Variants in LGR4 observed in about 807,000 individuals in gnomAD.
The protein encoded by LGR4 is leucine rich repeat containing G protein-coupled receptor 4.
LGR4 carries 44 observed loss-of-function variants against 84.8 expected under a neutral mutation model. That is an observed-to-expected ratio of 0.52 (90% CI 0.41 to 0.67). LGR4 has a LOEUF of 0.67. Ranked by LOEUF, LGR4 falls within the 30% of genes least tolerant of loss-of-function variation. The pLI is 0.00. For synonymous variants in LGR4, 429 were observed against 434.3 expected (o/e 0.99, Z 0.15); for missense variants, 1,032 against 1,131.4 (o/e 0.91, Z 1.26).
chr11:27,449,349 G>A (rs921445964), intron 1 of LGR4, among the ~76,000 whole-genome samples: 2 of 152,158 alleles, frequency 1.3e-5, no homozygotes, highest in African/African-American at 4.8e-5. Flanking sequence ...TCAGGAGGCC[G>A]AGGTAAGATG....
chr11:27,382,981 C>T (rs1327908443), intron 6 of LGR4, among the ~76,000 whole-genome samples: 1 of 152,132 alleles, frequency 6.6e-6, no homozygotes, highest in Non-Finnish European at 1.5e-5. Flanking sequence ...CATGCCACTG[C>T]ACTCCAGCCT....
At chr11:27,461,368 G>A (rs578165243) in intron 1 of LGR4, among the ~76,000 whole-genome samples, 1 of 151,466 alleles carries the variant, frequency 6.6e-6, no homozygotes, top group African/African-American at 2.4e-5. Flanking sequence ...TAACACATAG[G>A]TACCCCATAA....
intron 1 of LGR4, among the ~76,000 whole-genome samples, chr11:27,441,087 AC>A (rs1864297538): frequency 6.6e-6 from 1 of 152,196 alleles, no homozygotes; most frequent in South Asian, 2.1e-4. Flanking sequence ...GAGGAGTCTT[AC>A]CTAAAGTGAC....
At chr11:27,400,787 G>A (rs145100258) in intron 2 of LGR4, among the ~76,000 whole-genome samples, 10 of 152,216 alleles carry the variant, frequency 6.6e-5, no homozygotes, top group East Asian at 3.9e-4. Flanking sequence ...GTGAGCCACC[G>A]CGCCTGGCCT....
At position 27,399,174 on chromosome 11, in the gene LGR4, G is replaced by A. The variant is rs1393615804; in HGVS notation, c.258-6656C>T. Among the ~76,000 whole-genome samples, 5 of 152,232 alleles carry A rather than the reference G, an allele frequency of 3.3e-5. No homozygotes were observed. The East Asian group carries it at 9.7e-4, about 29-fold the overall frequency. On this transcript the variant is annotated intron_variant, in intron 2 of 17. Transcript: ENST00000379214. ...GATCCACCCCCCTCAGCCTGCCAAA[G>A]TCCTGGGATTACAGGTGTGAGTCTG...
At chr11:27,451,216 A>T (rs551623286) in intron 1 of LGR4, among the ~76,000 whole-genome samples, 15 of 152,368 alleles carry the variant, frequency 9.8e-5, no homozygotes, top group Admixed American at 5.2e-4. Context: ...AGAACTGTTT[A>T]GAACCATTTA....
chr11:27,380,748 G>A lies in LGR4; in HGVS notation c.831-37C>T, dbSNP rs1319953600. 4.3e-6 allele frequency: 6 copies of A among 1,395,074 alleles called. No individual in the cohort carries two copies. In the Admixed American group the frequency reaches 5.1e-5, roughly 12 times the overall value. The allele number at this position is 1,395,074 out of a possible 1,614,324, so 86.4% of individuals were successfully genotyped here. A position where few individuals can be genotyped will look rare whatever the true frequency, so the allele number is the denominator to read the frequency against. ...TCCAAAAAAAGTAAAATTTTCATAT[G>A]TTCACAAGCACTCTAATATTAACTC... On this transcript the variant is annotated intron_variant, in intron 8 of 17. Coordinates refer to ENST00000379214, the MANE Select transcript of LGR4 (RefSeq NM_018490.5).
At chr11:27,398,598 G>A (rs58604758) in intron 2 of LGR4, among the ~76,000 whole-genome samples, 12,150 of 152,048 alleles carry the variant, frequency 0.08, 626 homozygotes, top group African/African-American at 0.13. Context: ...AGGAGACGTC[G>A]GGCAGAAAAA....
At chr11:27,386,883 G>A (rs192737440) in intron 4 of LGR4, among the ~76,000 whole-genome samples, 215 of 152,268 alleles carry the variant, frequency 1.4e-3, no homozygotes, top group Middle Eastern at 0.01. Context: ...GTTTATTTTG[G>A]GGGCTTTTAG....
intron 1 of LGR4, among the ~76,000 whole-genome samples, chr11:27,426,095 A>G (rs1399730511): frequency 1.3e-5 from 2 of 152,218 alleles, no homozygotes; most frequent in Non-Finnish European, 2.9e-5. Context: ...AACAGGCTTA[A>G]CAATTTTCCA....
chr11:27,399,700 A>G (rs1305636654), intron 2 of LGR4, among the ~76,000 whole-genome samples: 1 of 151,786 alleles, frequency 6.6e-6, no homozygotes, highest in Admixed American at 6.6e-5. Context: ...TTGTACTTTT[A>G]GTAGAGACAG....
chr11:27,409,728 C>T (rs1863675300), intron 2 of LGR4, among the ~76,000 whole-genome samples: 1 of 152,136 alleles, frequency 6.6e-6, no homozygotes, highest in African/African-American at 2.4e-5. Flanking sequence ...CCTAAAACTT[C>T]TGAAATTTTC....
intron 1 of LGR4, among the ~76,000 whole-genome samples, chr11:27,430,997 CCTT>C: frequency 6.6e-6 from 1 of 152,084 alleles, no homozygotes; most frequent in Admixed American, 6.6e-5. Context: ...CATAGCACCT[CCTT>C]CTTACCTCCT....
At chr11:27,455,473 T>C (rs920802712) in intron 1 of LGR4, among the ~76,000 whole-genome samples, 2 of 152,102 alleles carry the variant, frequency 1.3e-5, no homozygotes, top group African/African-American at 4.8e-5. Flanking sequence ...AACAGGTTAA[T>C]ATAATATACA....
At chr11:27,389,782 C>T (rs932605730) in intron 4 of LGR4, among the ~76,000 whole-genome samples, 13 of 152,046 alleles carry the variant, frequency 8.6e-5, no homozygotes, top group African/African-American at 2.7e-4. Flanking sequence ...TATATCCACC[C>T]GAGGTGAGAG....
chr11:27,434,035 C>T (rs11030003), intron 1 of LGR4, among the ~76,000 whole-genome samples: 107,512 of 152,124 alleles, frequency 0.71, 38,122 homozygotes, highest in South Asian at 0.83. Context: ...TACCTCAGGG[C>T]TGGGAAGATT....
chr11:27,375,596 T>C (rs974951700), intron 13 of LGR4, among the ~76,000 whole-genome samples: 4 of 152,210 alleles, frequency 2.6e-5, no homozygotes, highest in East Asian at 1.9e-4. Context: ...GTGAGTCATA[T>C]ACTCTCCGCT....
chr11:27,412,957 A>G, intron 1 of LGR4, 97 bp from the exon 2 acceptor site: 1 of 824,964 alleles, frequency 1.2e-6, no homozygotes, highest in Non-Finnish European at 2.1e-6. Context: ...CAATTTTGTG[A>G]AAGAGCATAG....
In LGR4 at chr11:27,438,604, A is replaced by G. The variant is rs549929924; in HGVS notation, c.186-25744T>C. On this transcript the variant is annotated intron_variant, in intron 1 of 17. Transcript: ENST00000379214. ...AAGGGTGTTTCTGGATGAGATGATC[A>G]TTGTAATCAGTAAACTGAGTAAACC... is the stretch of plus-strand genomic sequence containing the variant. Among the ~76,000 whole-genome samples, 226 of 152,340 alleles carry G rather than the reference A, an allele frequency of 1.5e-3. 1 individual carries two copies. The highest frequency in any genetic ancestry group is 5.2e-3 in the African/African-American group (218 of 41,572).
Sources: allele counts gnomAD v4.1 joint callset (sites outside exome capture counted in the v4.1 genomes callset), GRCh38; gene constraint gnomAD v4.1.1; transcripts MANE v1.5; gene names NCBI Gene and HGNC (gene_info 2026-07-23, HGNC 2026-07-21).